NLGN1: variants seen among roughly 807,000 people sequenced by gnomAD.
The protein encoded by NLGN1 is neuroligin-1.
A neutral mutation model predicts 65.5 loss-of-function variants in NLGN1; 12 were observed. The ratio of observed to expected loss-of-function variants is 0.18; its 90% CI spans 0.12 to 0.30. NLGN1 has a LOEUF of 0.30. Among genes scored for constraint, NLGN1 ranks in the 10% least tolerant of loss-of-function variants. The pLI, the probability that NLGN1 is intolerant of heterozygous loss-of-function variation, is 1.00. For missense variants in NLGN1, 750 were observed against 1,007.1 expected, an observed-to-expected ratio of 0.74 and a Z score of 3.46; for synonymous variants, 350 against 359.5, an observed-to-expected ratio of 0.97 and a Z score of 0.30.
chr3:173,720,368 G>C (rs1198896167), intron 3 of NLGN1, among the ~76,000 whole-genome samples: 1 of 152,146 alleles, frequency 6.6e-6, no homozygotes, highest in East Asian at 1.9e-4. Flanking sequence ...CAAGTGACCG[G>C]AAGGTCAGTT....
intron 4 of NLGN1, among the ~76,000 whole-genome samples, chr3:174,013,891 T>C (rs1201516814): frequency 3.9e-5 from 6 of 152,124 alleles, no homozygotes; most frequent in African/African-American, 1.4e-4. Flanking sequence ...TTTTTAAAAT[T>C]ATTTTTAGAG....
exon 4 of NLGN1, chr3:173,807,811 A>G (rs754990378): frequency 1.9e-6 from 3 of 1,613,608 alleles, no homozygotes; most frequent in Non-Finnish European, 2.5e-6. Context: ...CATCACAGTC[A>G]ACTATCGACT....
chr3:173,415,719 G>T (rs542869952), intron 1 of NLGN1, among the ~76,000 whole-genome samples: 134 of 152,166 alleles, frequency 8.8e-4, no homozygotes, highest in African/African-American at 3.2e-3. Context: ...GAGTATAGCA[G>T]AGAAAAAGGT....
chr3:173,500,820 C>G (rs1271838604), intron 2 of NLGN1, among the ~76,000 whole-genome samples: 3 of 152,102 alleles, frequency 2.0e-5, no homozygotes, highest in Admixed American at 6.6e-5. Flanking sequence ...TACAAGCTCC[C>G]AAGATATCCT....
chr3:173,931,471 T>C (rs1027995223), intron 4 of NLGN1, among the ~76,000 whole-genome samples: 1 of 152,080 alleles, frequency 6.6e-6, no homozygotes, highest in African/African-American at 2.4e-5. Context: ...AGACAGGTTT[T>C]GAAGTAAGCT....
chr3:173,573,649 T>C (rs1745003868), intron 2 of NLGN1, among the ~76,000 whole-genome samples: 1 of 151,302 alleles, frequency 6.6e-6, no homozygotes, highest in African/African-American at 2.4e-5. Flanking sequence ...TCTTATTATT[T>C]TTATGCTATT....
intron 3 of NLGN1, among the ~76,000 whole-genome samples, chr3:173,783,044 T>C (rs775653068): frequency 9.9e-5 from 15 of 152,162 alleles, no homozygotes; most frequent in Non-Finnish European, 1.8e-4. Flanking sequence ...TGCTAATGTC[T>C]ACAGAAATAA....
At chr3:173,792,848 A>G (rs965623230) in intron 3 of NLGN1, among the ~76,000 whole-genome samples, 1 of 152,214 alleles carries the variant, frequency 6.6e-6, no homozygotes, top group Admixed American at 6.6e-5. Context: ...TTAAATGACT[A>G]GCTTCCATTT....
intron 4 of NLGN1, among the ~76,000 whole-genome samples, chr3:174,163,597 C>T (rs1349032691): frequency 1.3e-5 from 2 of 151,988 alleles, no homozygotes; most frequent in East Asian, 3.9e-4. Context: ...CCGCAACTTC[C>T]AGCAGACCCC....
intron 2 of NLGN1, among the ~76,000 whole-genome samples, chr3:173,465,354 A>T (rs561505767): frequency 6.6e-6 from 1 of 152,316 alleles, no homozygotes; most frequent in Non-Finnish European, 1.5e-5. Flanking sequence ...CAACTGACTC[A>T]TCTTGCAGCA....
chr3:173,940,501 C>G (rs1388477), intron 4 of NLGN1, among the ~76,000 whole-genome samples: 46,512 of 151,988 alleles, frequency 0.31, 8,432 homozygotes, highest in African/African-American at 0.5. Context: ...TCCTCATTTT[C>G]TTTCAAAGCC....
At chr3:173,883,763 A>G (rs1205501448) in intron 4 of NLGN1, among the ~76,000 whole-genome samples, 1 of 150,990 alleles carries the variant, frequency 6.6e-6, no homozygotes, top group Non-Finnish European at 1.5e-5. Context: ...ATCATGGGCC[A>G]TGATACTTTC....
chr3:173,689,005 T>C (rs1369767713), intron 3 of NLGN1, among the ~76,000 whole-genome samples: 1 of 152,178 alleles, frequency 6.6e-6, no homozygotes, highest in Non-Finnish European at 1.5e-5. Flanking sequence ...AATTTATGGC[T>C]AACATCTGCC....
chr3:173,942,019 A>G (rs1055514905), intron 4 of NLGN1, among the ~76,000 whole-genome samples: 3 of 151,432 alleles, frequency 2.0e-5, no homozygotes, highest in African/African-American at 7.3e-5. Context: ...GATGTCCACT[A>G]TTGATGCTCC....
chr3:173,795,725 A>G (rs1396594843), intron 3 of NLGN1, among the ~76,000 whole-genome samples: 1 of 152,132 alleles, frequency 6.6e-6, no homozygotes, highest in African/African-American at 2.4e-5. Context: ...TCTCCGGAAT[A>G]CACATATTTT....
At chr3:173,577,974 C>T (rs1180972896) in intron 2 of NLGN1, among the ~76,000 whole-genome samples, 5 of 152,114 alleles carry the variant, frequency 3.3e-5, no homozygotes, top group South Asian at 4.1e-4. Flanking sequence ...CGGTCGCTCA[C>T]GCCTGTAATC....
chr3:173,818,445 T>G (rs1397318955), intron 4 of NLGN1, among the ~76,000 whole-genome samples: 1 of 152,176 alleles, frequency 6.6e-6, no homozygotes, highest in Middle Eastern at 3.2e-3. Context: ...TATTTTGAAA[T>G]AATTTTAAAG....
chr3:173,626,223 C>A (rs1201713343), intron 3 of NLGN1, among the ~76,000 whole-genome samples: 1 of 151,894 alleles, frequency 6.6e-6, no homozygotes, highest in Non-Finnish European at 1.5e-5. Context: ...ATTTAAATAG[C>A]TACCTATGAT....
intron 4 of NLGN1, among the ~76,000 whole-genome samples, chr3:174,185,876 G>A (rs5006277): frequency 0.43 from 64,375 of 151,130 alleles, 15,141 homozygotes; most frequent in East Asian, 0.64. Context: ...TTTATGTTTT[G>A]CACTAACTTT....
Sources: gnomAD v4.1 joint callset for allele counts (sites outside exome capture counted in the v4.1 genomes callset) on GRCh38, gnomAD v4.1.1 for gene constraint, MANE v1.5 for transcripts, NCBI Gene and HGNC (gene_info 2026-07-23, HGNC 2026-07-21) for gene names.